The following ROBO2 variants were observed in gnomAD, a reference collection of about 807,000 sequenced individuals.
ROBO2 encodes the protein roundabout homolog 2.
Under a neutral mutation model 160.8 loss-of-function variants are expected in ROBO2, and 53 were observed. The observed-to-expected ratio is 0.33, with a 90% CI of 0.26 to 0.41. The LOEUF is 0.41. ROBO2 is among the 10% of genes least tolerant of loss of function. ROBO2 has a pLI of 1.00. For synonymous variants in ROBO2, 664 were observed against 611.7 expected (o/e 1.09, Z -1.26); for missense variants, 1,577 against 1,722.4 (o/e 0.92, Z 1.49).
At chr3:76,179,505 T>A (rs1399077718) in intron 2 of ROBO2, among the ~76,000 whole-genome samples, 1 of 152,170 alleles carries the variant, frequency 6.6e-6, no homozygotes, top group East Asian at 1.9e-4. Context: ...TTATCAGTTT[T>A]AATTCCTAAA....
intron 2 of ROBO2, among the ~76,000 whole-genome samples, chr3:77,232,267 TAGGTGGCC>T (rs1322457050): frequency 1.3e-5 from 2 of 151,938 alleles, no homozygotes; most frequent in African/African-American, 4.8e-5. Context: ...ATTAATGGAG[TAGGTGGCC>T]AGGGAGAGCT....
chr3:76,402,777 C>G (rs1338500300), intron 2 of ROBO2, among the ~76,000 whole-genome samples: 2 of 151,588 alleles, frequency 1.3e-5, no homozygotes, highest in Non-Finnish European at 3.0e-5. Context: ...AAATTCCTCT[C>G]AATTTGAATT....
At chr3:77,289,302 T>C (rs957921136) in intron 2 of ROBO2, among the ~76,000 whole-genome samples, 3 of 151,976 alleles carry the variant, frequency 2.0e-5, no homozygotes, top group African/African-American at 4.8e-5. Context: ...GACGGTTAAA[T>C]GGGTAAGCTG....
chr3:76,825,435 T>A (rs994583509), intron 2 of ROBO2, among the ~76,000 whole-genome samples: 1 of 152,000 alleles, frequency 6.6e-6, no homozygotes, highest in African/African-American at 2.4e-5. Flanking sequence ...ATGTTGCTTT[T>A]AATTCATGAA....
intron 2 of ROBO2, among the ~76,000 whole-genome samples, chr3:77,099,039 T>C (rs1483147422): frequency 6.6e-6 from 1 of 151,680 alleles, no homozygotes; most frequent in Non-Finnish European, 1.5e-5. Context: ...GTGTCTTTCT[T>C]TTGGTAAACA....
At chr3:77,284,684 T>C (rs1248688322) in intron 2 of ROBO2, among the ~76,000 whole-genome samples, 2 of 152,112 alleles carry the variant, frequency 1.3e-5, no homozygotes, top group African/African-American at 2.4e-5. Context: ...GCCTTCTTCT[T>C]TGCTGTTTAA....
chr3:76,233,448 G>A (rs1337546244), intron 2 of ROBO2, among the ~76,000 whole-genome samples: 3 of 152,032 alleles, frequency 2.0e-5, no homozygotes, highest in Non-Finnish European at 2.9e-5. Flanking sequence ...CTGGCCTGCT[G>A]GGTATTATTG....
intron 13 of ROBO2, among the ~76,000 whole-genome samples, chr3:77,572,676 A>C (rs1316894770): frequency 6.7e-6 from 1 of 149,522 alleles, no homozygotes; most frequent in African/African-American, 2.5e-5. Context: ...CACTCACTTA[A>C]TTGAGGGAGT....
At chr3:77,434,753 A>G (rs1412289183) in intron 2 of ROBO2, among the ~76,000 whole-genome samples, 4 of 152,126 alleles carry the variant, frequency 2.6e-5, no homozygotes, top group East Asian at 3.9e-4. Context: ...AATATGTAAC[A>G]GTGTTTTTGG....
intron 2 of ROBO2, among the ~76,000 whole-genome samples, chr3:77,292,706 C>A (rs1201802846): frequency 2.5e-3 from 174 of 70,254 alleles, no homozygotes; most frequent in Middle Eastern, 0.04. Context: ...CTAGATCACC[C>A]CAGACATAAA....
At chr3:76,956,116 A>G (rs940646613) in intron 2 of ROBO2, among the ~76,000 whole-genome samples, 12 of 152,166 alleles carry the variant, frequency 7.9e-5, no homozygotes, top group African/African-American at 2.9e-4. Flanking sequence ...TAATCATGAA[A>G]ATCGCAGAAA....
chr3:77,252,226 C>A (rs1018502640), intron 2 of ROBO2, among the ~76,000 whole-genome samples: 1 of 152,116 alleles, frequency 6.6e-6, no homozygotes, highest in Non-Finnish European at 1.5e-5. Context: ...ACTCCATTCT[C>A]CAACACTTTC....
At chr3:76,584,217 C>T (rs1041307231) in intron 2 of ROBO2, among the ~76,000 whole-genome samples, 5 of 152,088 alleles carry the variant, frequency 3.3e-5, no homozygotes, top group East Asian at 1.9e-4. Context: ...ATGGTACCAA[C>T]GTAGAACTGC....
chr3:77,576,841 A>C (rs998646238), intron 14 of ROBO2, among the ~76,000 whole-genome samples: 1 of 152,222 alleles, frequency 6.6e-6, no homozygotes, highest in East Asian at 1.9e-4. Flanking sequence ...TATTTTTCCC[A>C]GTATGGGAAG....
At chr3:76,744,526 A>AT (rs200577072) in intron 2 of ROBO2, among the ~76,000 whole-genome samples, 2 of 151,868 alleles carry the variant, frequency 1.3e-5, no homozygotes, top group Non-Finnish European at 2.9e-5. Flanking sequence ...TGACCGGCTA[A>AT]TTTTTTTCAA....
chr3:77,279,171 T>C (rs1182658372), intron 2 of ROBO2, among the ~76,000 whole-genome samples: 1 of 152,128 alleles, frequency 6.6e-6, no homozygotes, highest in Non-Finnish European at 1.5e-5. Context: ...TATCACAATA[T>C]AAAATGAGTA....
intron 2 of ROBO2, among the ~76,000 whole-genome samples, chr3:76,950,772 G>A (rs1304835618): frequency 6.6e-6 from 1 of 152,134 alleles, no homozygotes; most frequent in Non-Finnish European, 1.5e-5. Context: ...TGTTGCCCAG[G>A]CTGGAGTGCA....
chr3:77,550,773 T>G, intron 7 of ROBO2, 45 bp from the exon 9 acceptor site: 3 of 1,602,580 alleles, frequency 1.9e-6, no homozygotes, highest in Non-Finnish European at 2.6e-6. Context: ...CATAATTTTT[T>G]TAAGTGGAAA....
At chr3:77,440,715 T>G (rs2079827505) in intron 2 of ROBO2, among the ~76,000 whole-genome samples, 1 of 152,202 alleles carries the variant, frequency 6.6e-6, no homozygotes, top group South Asian at 2.1e-4. Flanking sequence ...ATTTTATTCC[T>G]CTTTATTCAT....
Sources: gnomAD v4.1 joint callset for allele counts (sites outside exome capture counted in the v4.1 genomes callset) on GRCh38, gnomAD v4.1.1 for gene constraint, MANE v1.5 for transcripts, NCBI Gene and HGNC (gene_info 2026-07-23, HGNC 2026-07-21) for gene names.